NUMB: variants seen among roughly 807,000 people sequenced by gnomAD.
NUMB encodes the protein NUMB endocytic adaptor protein.
NUMB carries 29 observed loss-of-function variants against 59.7 expected under a neutral mutation model. The ratio of observed to expected loss-of-function variants is 0.49; its 90% CI spans 0.36 to 0.66. The LOEUF is 0.66. NUMB is among the 30% of genes least tolerant of loss of function. NUMB has a pLI of 0.00. For missense variants in NUMB, 723 were observed against 822.0 expected (o/e 0.88, Z 1.47); for synonymous variants, 288 against 288.2 (o/e 1.00, Z 0.01).
At chr14:73,393,628 C>CAATG (rs1304926536) in intron 2 of NUMB, among the ~76,000 whole-genome samples, 1 of 152,206 alleles carries the variant, frequency 6.6e-6, no homozygotes, top group Non-Finnish European at 1.5e-5. Flanking sequence ...TCTTTAGTAA[C>CAATG]AATGCATCAT....
chr14:73,320,183 GA>G (rs763934554), intron 5 of NUMB, among the ~76,000 whole-genome samples: 1 of 152,076 alleles, frequency 6.6e-6, no homozygotes, highest in Non-Finnish European at 1.5e-5. Context: ...TAAGAAACAG[GA>G]AATTTACTCC....
chr14:73,457,195 A>T (rs1213766073), intron 1 of NUMB, among the ~76,000 whole-genome samples: 1 of 152,172 alleles, frequency 6.6e-6, no homozygotes, highest in African/African-American at 2.4e-5. Context: ...CCTCTTTCTG[A>T]TAAGTATTTA....
At chr14:73,447,087 C>T (rs944961950) in intron 1 of NUMB, among the ~76,000 whole-genome samples, 9 of 148,742 alleles carry the variant, frequency 6.1e-5, no homozygotes, top group African/African-American at 2.0e-4. Context: ...TCGGGGAGGC[C>T]GAGGCAAGGG....
At chr14:73,320,394 C>CT (rs1285578383) in intron 5 of NUMB, among the ~76,000 whole-genome samples, 1 of 152,072 alleles carries the variant, frequency 6.6e-6, no homozygotes, top group Non-Finnish European at 1.5e-5. Flanking sequence ...CTAAAACTTT[C>CT]TTTTTTATTA....
At chr14:73,399,171 A>C (rs1237548849) in intron 2 of NUMB, among the ~76,000 whole-genome samples, 1 of 152,238 alleles carries the variant, frequency 6.6e-6, no homozygotes, top group Non-Finnish European at 1.5e-5. Context: ...ACATACACAC[A>C]AAACAATATG....
At chr14:73,381,292 A>G (rs1895228290) in intron 2 of NUMB, among the ~76,000 whole-genome samples, 1 of 152,146 alleles carries the variant, frequency 6.6e-6, no homozygotes, top group African/African-American at 2.4e-5. Flanking sequence ...CTGTCTTGGG[A>G]CAGAAAACAC....
intron 4 of NUMB, among the ~76,000 whole-genome samples, chr14:73,346,951 C>T (rs576824403): frequency 3.3e-5 from 5 of 152,216 alleles, no homozygotes; most frequent in African/African-American, 1.2e-4. Context: ...TCAAGTAGTT[C>T]CCATCTTAAT....
Position 73,372,309 on chromosome 14 carries a change from A to ATATATATATATATATATATAACCTTT in NUMB, c.-100-5329_-100-5328insAAAGGTTATATATATATATATATATA, listed in dbSNP as rs1566766401. 1.2e-3 allele frequency among the ~76,000 whole-genome samples: 104 copies of ATATATATATATATATATATAACCTTT among 86,834 alleles called. 3 individuals carry two copies. The highest frequency in any genetic ancestry group is 5.5e-3 in the African/African-American group (91 of 16,472). The allele number at this position is 86,834 out of a possible 152,430, so 57.0% of individuals were successfully genotyped here. A position where few individuals can be genotyped will look rare whatever the true frequency, so the allele number is the denominator to read the frequency against. Reference sequence around the variant, plus strand: ...TGGAATATATATATATTTCTTTTATATATATATATATATATATATATATAT... The same window carrying ATATATATATATATATATATAACCTTT: ...TGGAATATATATATATTTCTTTTATATATATATATATATATATATAACCTTTTATATATATATATATATATATATAT... On this transcript the variant is annotated intron_variant, in intron 2 of 12. Coordinates refer to ENST00000555238, the MANE Select transcript of NUMB (RefSeq NM_001005743.2).
At chr14:73,440,270 C>CAT (rs1382190188) in intron 1 of NUMB, among the ~76,000 whole-genome samples, 6 of 148,400 alleles carry the variant, frequency 4.0e-5, no homozygotes, top group Admixed American at 6.8e-5. Flanking sequence ...TATAGATATC[C>CAT]ATATATATAT....
At chr14:73,356,610 C>T (rs1221050471) in intron 3 of NUMB, among the ~76,000 whole-genome samples, 7 of 151,898 alleles carry the variant, frequency 4.6e-5, no homozygotes, top group Admixed American at 2.0e-4. Flanking sequence ...ACAGCCTGGG[C>T]GACAGAGTGA....
At chr14:73,281,865 C>CT (rs1888655198) in intron 11 of NUMB, among the ~76,000 whole-genome samples, 1 of 152,106 alleles carries the variant, frequency 6.6e-6, no homozygotes, top group African/African-American at 2.4e-5. Flanking sequence ...GTCGTCTACA[C>CT]TGAAGGATGT....
chr14:73,288,419 C>A (rs558029178), intron 8 of NUMB, among the ~76,000 whole-genome samples: 1 of 151,774 alleles, frequency 6.6e-6, no homozygotes, highest in African/African-American at 2.4e-5. Context: ...GATGTGGTGG[C>A]GGGTGCCTGT....
chr14:73,408,423 TCAAA>T (rs1456442947), intron 2 of NUMB, among the ~76,000 whole-genome samples: 1 of 152,038 alleles, frequency 6.6e-6, no homozygotes, highest in Non-Finnish European at 1.5e-5. Flanking sequence ...ATCAAATTAT[TCAAA>T]CAAACAAGAA....
In NUMB at chr14:73,279,301, T is replaced by C; in HGVS notation, c.1220A>G (p.Glu407Gly). ...CTTACCCGAACATGTGGCTGCAATTTCCTTGTTAGCAGCATCAGGGGCATG... is the reference window on the plus strand; with the variant it reads ...CTTACCCGAACATGTGGCTGCAATTCCCTTGTTAGCAGCATCAGGGGCATG... The part of the protein sequence containing the change: ...WAHAPDAANK[E>G]IAATCSGTEW... The change falls in exon 12 of 13, where the codon GAA (glutamate) becomes GGA (glycine). Residue 407 changes from glutamate to glycine, a missense_variant. By Grantham distance (98) the Glu-to-Gly change is moderately conservative. Transcript: ENST00000555238. 1.2e-6 allele frequency: 2 copies of C among 1,614,206 alleles called. No individual in the cohort carries two copies. Among genetic ancestry groups the C allele is most frequent in the Non-Finnish European group, 1.7e-6 (2 of 1,180,020 alleles).
Position 73,279,421 on chromosome 14 carries a change from T to C in NUMB, c.1100A>G (p.Asn367Ser), listed in dbSNP as rs1361352124. The change falls in exon 12 of 13, where the codon AAT becomes AGT. Residue 367 changes from asparagine (N) to serine (S), a missense_variant. Transcript: ENST00000555238. ...CACATGGAAGGCTGAGTCAGTGCCA[T>C]TAGCTACAACGGGAGCAGACAACAT... ...VAPQSPTFQA[N>S]GTDSAFHVLA... 3 of 1,581,104 alleles carry C rather than the reference T, an allele frequency of 1.9e-6. No homozygotes were observed. Among genetic ancestry groups the C allele is most frequent in the African/African-American group, 2.7e-5 (2 of 74,026 alleles).
intron 1 of NUMB, among the ~76,000 whole-genome samples, chr14:73,411,455 A>T (rs984745450): frequency 3.3e-5 from 5 of 152,226 alleles, no homozygotes; most frequent in Admixed American, 6.5e-5. Flanking sequence ...TGTTCAGCTC[A>T]CACACCTTCC....
rs533853575 is a variant in NUMB at position 73,379,464 on chromosome 14, C to A, written c.-100-12483G>T. Among the ~76,000 whole-genome samples, 9 of 151,972 alleles carry A rather than the reference C, an allele frequency of 5.9e-5. No individual in the cohort carries two copies. The East Asian group carries it at 1.7e-3, about 29-fold the overall frequency. On this transcript the variant is annotated intron_variant, in intron 2 of 12. Transcript: ENST00000555238. ...GTTGCACTTTATTTGGAGAGACTGT[C>A]AAAATAATGAAGAAACAAATACATA... is the stretch of plus-strand genomic sequence containing the variant.
chr14:73,404,133 T>C (rs1896548456), intron 2 of NUMB, among the ~76,000 whole-genome samples: 1 of 150,960 alleles, frequency 6.6e-6, no homozygotes, highest in Non-Finnish European at 1.5e-5. Context: ...TCCCAGCTAC[T>C]TGGCAAGCTG....
At chr14:73,294,532 TTTGAGATAGTCTTGCTC>T (rs1191716822) in intron 7 of NUMB, among the ~76,000 whole-genome samples, 1 of 151,976 alleles carries the variant, frequency 6.6e-6, no homozygotes, top group African/African-American at 2.4e-5. Context: ...ACTTTCTTTT[TTTGAGATAGTCTTGCTC>T]TGTCGCCCAG....
Sources: gnomAD v4.1 joint callset for allele counts (sites outside exome capture counted in the v4.1 genomes callset) on GRCh38, gnomAD v4.1.1 for gene constraint, MANE v1.5 for transcripts, NCBI Gene and HGNC (gene_info 2026-07-23, HGNC 2026-07-21) for gene names.